CACNA1A: variants seen among roughly 807,000 people sequenced by gnomAD.
The protein encoded by CACNA1A is calcium voltage-gated channel subunit alpha1 A.
CACNA1A carries 57 observed loss-of-function variants against 262.4 expected under a neutral mutation model. The observed-to-expected ratio is 0.22, with a 90% CI of 0.18 to 0.27. CACNA1A has a LOEUF of 0.27. Among genes scored for constraint, CACNA1A ranks in the 10% least tolerant of loss-of-function variants. The pLI is 1.00. For synonymous variants in CACNA1A, 1,431 were observed against 1,419.3 expected, an observed-to-expected ratio of 1.01 and a Z score of -0.18; for missense variants, 2,526 against 3,562.8, an observed-to-expected ratio of 0.71 and a Z score of 7.41.
intron 3 of CACNA1A, among the ~76,000 whole-genome samples, chr19:13,400,298 GCA>G (rs928894975): frequency 4.6e-5 from 7 of 152,130 alleles, no homozygotes. Context: ...TTTGACTTTT[GCA>G]GGATGAATTT....
intron 24 of CACNA1A, among the ~76,000 whole-genome samples, chr19:13,270,644 T>C (rs905919717): frequency 6.6e-6 from 1 of 152,202 alleles, no homozygotes; most frequent in Admixed American, 6.5e-5. Flanking sequence ...AGTTTGGCTC[T>C]TAGGTGTGCA....
chr19:13,378,671 TTTA>T (rs1239720278), intron 3 of CACNA1A, among the ~76,000 whole-genome samples: 27 of 151,496 alleles, frequency 1.8e-4, no homozygotes, highest in East Asian at 9.6e-4. Flanking sequence ...TATTTATTTA[TTTA>T]TTTTTTGAGA....
Position 13,207,341 on chromosome 19 carries a change from T to C in CACNA1A, c.7493A>G (p.Tyr2498Cys), listed in dbSNP as rs1444888359. The change falls in exon 47 of 47, where the codon TAC becomes TGC. Residue 2498 changes from tyrosine (Y) to cysteine (C), a missense_variant. Around this residue, in one of 17 missense-constraint regions of CACNA1A, gnomAD observed 929 missense variants for 868.1 expected, o/e 1.07. Coordinates refer to ENST00000360228, the MANE Select transcript of CACNA1A (RefSeq NM_001127222.2). This position sits in a 1 kb window ranked among gnomAD's most constrained non-coding sequence, Gnocchi z 5.7. ...GCACCAATCATCGTCACTCTCGCTG[T>C]AGGGTTCGTGCAGGCCCTTCCTGGA... ...PGSRKGLHEP[Y>C]SESDDDWC is the part of the protein sequence containing the mutation. 4 of 1,560,986 alleles carry C rather than the reference T, an allele frequency of 2.6e-6. No individual in the cohort carries two copies. Among genetic ancestry groups the C allele is most frequent in the Non-Finnish European group, 3.4e-6 (4 of 1,160,794 alleles).
chr19:13,410,912 C>G (rs2060099164), intron 3 of CACNA1A, among the ~76,000 whole-genome samples: 1 of 152,180 alleles, frequency 6.6e-6, no homozygotes, highest in African/African-American at 2.4e-5. Flanking sequence ...TCCTCCTCAT[C>G]TTCCCCAACC....
chr19:13,330,005 T>C (rs2058439026), intron 10 of CACNA1A, among the ~76,000 whole-genome samples: 2 of 152,294 alleles, frequency 1.3e-5, no homozygotes, highest in South Asian at 4.1e-4. Flanking sequence ...TGCCAGGTGC[T>C]GGTTTGCCAT....
intron 38 of CACNA1A, 32 bp downstream of exon 38, chr19:13,224,635 C>T: frequency 2.7e-6 from 4 of 1,486,286 alleles, no homozygotes; most frequent in South Asian, 1.2e-5. Context: ...CCCTGTCACG[C>T]CTGTCTGTGC....
At chr19:13,399,717 T>C (rs2059867349) in intron 3 of CACNA1A, among the ~76,000 whole-genome samples, 1 of 152,182 alleles carries the variant, frequency 6.6e-6, no homozygotes. Flanking sequence ...CACCTTTCTT[T>C]TTCTGCTTCG....
intron 19 of CACNA1A, among the ~76,000 whole-genome samples, chr19:13,294,986 A>C (rs1225460336): frequency 1.3e-5 from 2 of 152,112 alleles, no homozygotes; most frequent in African/African-American, 4.8e-5. Context: ...GGTCCACCCC[A>C]GGGCCTTTGC....
intron 6 of CACNA1A, among the ~76,000 whole-genome samples, chr19:13,338,023 TC>T (rs1479942070): frequency 6.6e-6 from 1 of 152,116 alleles, no homozygotes; most frequent in Non-Finnish European, 1.5e-5. Flanking sequence ...ATCGAGGCCA[TC>T]CTGGCTAACA....
intron 5 of CACNA1A, among the ~76,000 whole-genome samples, chr19:13,360,613 G>A (rs998340578): frequency 6.6e-5 from 10 of 151,868 alleles, no homozygotes; most frequent in African/African-American, 2.4e-4. Flanking sequence ...AAGTAGCTGG[G>A]ATTATAGGTG....
chr19:13,408,118 T>C (rs574028981), intron 3 of CACNA1A, among the ~76,000 whole-genome samples: 3 of 152,152 alleles, frequency 2.0e-5, no homozygotes, highest in Non-Finnish European at 2.9e-5. Flanking sequence ...CTCTTTTCTT[T>C]ATAAACTACT....
intron 24 of CACNA1A, among the ~76,000 whole-genome samples, chr19:13,271,011 T>C (rs763310015): frequency 2.0e-5 from 3 of 152,106 alleles, no homozygotes; most frequent in Non-Finnish European, 4.4e-5. Flanking sequence ...AACAACAACA[T>C]TCAAAATGGA....
chr19:13,265,580 C>T (rs2056843565), intron 24 of CACNA1A, among the ~76,000 whole-genome samples: 1 of 152,156 alleles, frequency 6.6e-6, no homozygotes, highest in African/African-American at 2.4e-5. Flanking sequence ...GTTGGACAGT[C>T]ACTGAGATAA....
chr19:13,426,977 A>T (rs1364655600), intron 3 of CACNA1A, among the ~76,000 whole-genome samples: 1 of 152,242 alleles, frequency 6.6e-6, no homozygotes, highest in Non-Finnish European at 1.5e-5. Flanking sequence ...AGAAAGGCAC[A>T]TTGTGTTGCA....
At position 13,207,767 on chromosome 19, in the gene CACNA1A, G is replaced by A. The variant is rs780098532; in HGVS notation, c.7067C>T (p.Thr2356Met). 2.1e-5 allele frequency: 29 copies of A among 1,378,714 alleles called. No homozygotes were observed. The highest frequency in any genetic ancestry group is 6.5e-6 in the Non-Finnish European group (7 of 1,074,650). 85.4% of individuals were successfully genotyped at this position (1,378,714 alleles called of 1,614,324 possible). The change falls in exon 47 of 47, where the codon ACG (threonine) becomes ATG (methionine). Residue 2356 changes from threonine (T) to methionine (M), a missense_variant. Thr to Met is a moderately conservative substitution (Grantham distance 81). This residue lies in a region of CACNA1A where 929 missense variants were observed against 868.1 expected (regional missense o/e 1.07). Coordinates refer to ENST00000360228, the MANE Select transcript of CACNA1A (RefSeq NM_001127222.2). The surrounding 1 kb of genome is among the most constrained non-coding windows in gnomAD (Gnocchi z 5.7). ...AEPLAGDRPP[T>M]GGHSSGRSPR... is the part of the protein sequence containing the mutation. ...CGAGCGGCCGCTGCTGTGGCCCCCC[G>A]TGGGCGGCCGATCTCCGGCCAGAGG...
chr19:13,469,984 T>C (rs997372761), intron 1 of CACNA1A, among the ~76,000 whole-genome samples: 1 of 152,000 alleles, frequency 6.6e-6, no homozygotes, highest in Admixed American at 6.6e-5. Context: ...TCCCCATACC[T>C]GGGCAGTGGA....
intron 6 of CACNA1A, 75 bp downstream of exon 6, chr19:13,359,531 G>A: frequency 1.7e-6 from 2 of 1,173,648 alleles, no homozygotes; most frequent in South Asian, 1.3e-5. Context: ...TTGCAGCCTT[G>A]GAGTCTCACT....
At chr19:13,270,421 G>C (rs1368468777) in intron 24 of CACNA1A, among the ~76,000 whole-genome samples, 2 of 129,212 alleles carry the variant, frequency 1.5e-5, no homozygotes, top group Non-Finnish European at 3.2e-5. Flanking sequence ...GGGGTGGGGG[G>C]CGGGTGGAGA....
intron 3 of CACNA1A, among the ~76,000 whole-genome samples, chr19:13,434,388 G>T (rs986682889): frequency 6.6e-6 from 1 of 152,106 alleles, no homozygotes; most frequent in African/African-American, 2.4e-5. Context: ...AGTAATTGTG[G>T]TTTTTGCCAT....
Sources: gnomAD v4.1 joint callset for allele counts (sites outside exome capture counted in the v4.1 genomes callset) on GRCh38, gnomAD v4.1.1 for gene constraint, gnomAD v4.1.1 regional missense constraint, Gnocchi (gnomAD v3.1) non-coding constraint, MANE v1.5 for transcripts, NCBI Gene and HGNC (gene_info 2026-07-23, HGNC 2026-07-21) for gene names.